Variants in GYS1 observed in about 807,000 individuals in gnomAD.
The protein encoded by GYS1 is glycogen synthase 1.
In GYS1, 60 loss-of-function variants were observed where a neutral mutation model predicts 89.1. The observed-to-expected ratio is 0.67, with a 90% CI of 0.55 to 0.84. The LOEUF (loss-of-function observed/expected upper bound fraction) is 0.84, where lower values mean the gene tolerates loss of function less well. GYS1 is among the 40% of genes least tolerant of loss of function. The pLI is 0.00. For synonymous variants in GYS1, 366 were observed against 401.7 expected (o/e 0.91, Z 1.06); for missense variants, 888 against 1,003.1 (o/e 0.89, Z 1.55).
At position 48,974,681 on chromosome 19, in the gene GYS1, T is replaced by A. The variant is rs1332971609; in HGVS notation, c.1361A>T (p.Asp454Val). 1 of 1,613,776 alleles carries A rather than the reference T, an allele frequency of 6.2e-7. No homozygotes were observed. ...TCGGCGGATGGTGGTCAGGATGGGG[T>A]CTGAGGAGTCATCCAGCATATTGTG... ...CTHNMLDDSSDPILTTIRRIG... is the reference protein window; with the variant it reads ...CTHNMLDDSSVPILTTIRRIG... Residue 454 changes from aspartate to valine, a missense_variant, in exon 11 of 16, where the codon GAC becomes GTC. By Grantham distance (152) the Asp-to-Val change is radical. Coordinates refer to ENST00000323798, the MANE Select transcript of GYS1 (RefSeq NM_002103.5).
At position 48,984,482 on chromosome 19, in the gene GYS1, G is replaced by A. The variant is rs957993600; in HGVS notation, c.823+979C>T. On this transcript the variant is annotated intron_variant, in intron 5 of 15. Coordinates refer to ENST00000323798, the MANE Select transcript of GYS1 (RefSeq NM_002103.5). Reference sequence around the variant, plus strand: ...GTGATCTCGGCCCACTGCAACCTCCGCCTCCTGGGTTCAAGTGATTCTCCT... The same window carrying A: ...GTGATCTCGGCCCACTGCAACCTCCACCTCCTGGGTTCAAGTGATTCTCCT... Among the ~76,000 whole-genome samples, 8 of 148,430 alleles carry A rather than the reference G, an allele frequency of 5.4e-5. No homozygotes were observed. In the South Asian group the frequency reaches 8.6e-4, roughly 16 times the overall value.
At chr19:48,990,407 CCTT>C (rs1183060666) in intron 2 of GYS1, among the ~76,000 whole-genome samples, 1 of 152,162 alleles carries the variant, frequency 6.6e-6, no homozygotes. Context: ...GCTTCTCTCT[CCTT>C]CTAGGACTGG....
chr19:48,970,813 C>G, intron 13 of GYS1, 104 bp from the exon 14 acceptor site: 5 of 1,396,356 alleles, frequency 3.6e-6, no homozygotes, highest in Non-Finnish European at 5.1e-6. Context: ...GGCCCGAGAG[C>G]CCCCCCATTT....
chr19:48,986,817 C>T (rs1216199270), intron 3 of GYS1, among the ~76,000 whole-genome samples: 1 of 152,092 alleles, frequency 6.6e-6, no homozygotes, highest in Non-Finnish European at 1.5e-5. Flanking sequence ...GCTTCTTGAG[C>T]CTCTTAAAAC....
Position 48,991,623 on chromosome 19 carries a change from G to T in GYS1, c.119-140C>A. 1 of 871,732 alleles carries T rather than the reference G, an allele frequency of 1.1e-6. No homozygotes were observed. The highest frequency in any genetic ancestry group is 1.8e-6 in the Non-Finnish European group (1 of 551,556). 54.0% of individuals were successfully genotyped at this position (871,732 alleles called of 1,614,324 possible). A position where few individuals can be genotyped will look rare whatever the true frequency, so the allele number is the denominator to read the frequency against. ...GGGAAGAGGGGACTGGGAGCCCATA[G>T]TTTGGAGTAGGGGTTGGAAGCTTGG... is the stretch of plus-strand genomic sequence containing the variant. On this transcript the variant is annotated intron_variant, in intron 1 of 15. Coordinates refer to ENST00000323798, the MANE Select transcript of GYS1 (RefSeq NM_002103.5). The surrounding 1 kb of genome is among the most constrained non-coding windows in gnomAD (Gnocchi z 4.7).
rs552500966 is a variant in GYS1, at chr19:48,985,343, C to T, written c.823+118G>A. On this transcript the variant is annotated intron_variant, in intron 5 of 15. Transcript: ENST00000323798. ...TGAGCCACCATGCCCAGCCGAAATA[C>T]GTTTTCGGTTTATGCTATTTCAACT... 1.3e-4 allele frequency: 135 copies of T among 1,042,098 alleles called. No individual in the cohort carries two copies. The African/African-American group carries it at 1.9e-3, about 14-fold the overall frequency. 64.6% of individuals were successfully genotyped at this position (1,042,098 alleles called of 1,614,324 possible). A position where few individuals can be genotyped will look rare whatever the true frequency, so the allele number is the denominator to read the frequency against.
chr19:48,983,562 T>C (rs1015574868), intron 5 of GYS1, among the ~76,000 whole-genome samples: 10 of 152,136 alleles, frequency 6.6e-5, no homozygotes, highest in African/African-American at 1.9e-4. Flanking sequence ...AATCATTTCT[T>C]CTCCTCATAG....
intron 3 of GYS1, among the ~76,000 whole-genome samples, chr19:48,986,509 CT>C (rs1194864356): frequency 2.4e-4 from 32 of 132,226 alleles, no homozygotes; most frequent in Admixed American, 5.3e-4. Flanking sequence ...TTTTCTTTTT[CT>C]TTTTTTTTTT....
chr19:48,987,823 C>T (rs963099708), intron 2 of GYS1, among the ~76,000 whole-genome samples: 79 of 149,728 alleles, frequency 5.3e-4, no homozygotes, highest in African/African-American at 1.9e-3. Flanking sequence ...TTTCTTGAGA[C>T]GGAGTCTGGC....
chr19:48,982,067 A>AT (rs949281088), intron 7 of GYS1, among the ~76,000 whole-genome samples, 188 bp downstream of exon 7: 1 of 151,574 alleles, frequency 6.6e-6, no homozygotes, highest in African/African-American at 2.4e-5. Context: ...TAATTTTTGT[A>AT]TTTTTTGTAG....
rs1429850194 is a variant in GYS1, at chr19:48,991,246, C to T, written c.300+56G>A. 1.3e-6 allele frequency: 2 copies of T among 1,577,794 alleles called. No individual in the cohort carries two copies. Among genetic ancestry groups the T allele is most frequent in the South Asian group, 1.1e-5 (1 of 90,430 alleles). Reference sequence around the variant, plus strand: ...CCTGCACCCTCTCCGTCTGTGGCTCCCACCCCGATGGCAGGCTGTCCACCC... The same window carrying T: ...CCTGCACCCTCTCCGTCTGTGGCTCTCACCCCGATGGCAGGCTGTCCACCC... On this transcript the variant is annotated intron_variant, in intron 2 of 15. Coordinates refer to ENST00000323798, the MANE Select transcript of GYS1 (RefSeq NM_002103.5). This position sits in a 1 kb window ranked among gnomAD's most constrained non-coding sequence, Gnocchi z 4.7.
Position 48,991,179 on chromosome 19 carries a change from C to G in GYS1, c.300+123G>C. On this transcript the variant is annotated intron_variant, in intron 2 of 15. Transcript: ENST00000323798. This position sits in a 1 kb window ranked among gnomAD's most constrained non-coding sequence, Gnocchi z 4.7. ...CTGGGTGTCCTATCACGCCTCCTTCCTGTGTCCAAGCCTGCCTCGCTCTCT... is the reference window on the plus strand; with the variant it reads ...CTGGGTGTCCTATCACGCCTCCTTCGTGTGTCCAAGCCTGCCTCGCTCTCT... 5.6e-6 allele frequency: 6 copies of G among 1,071,636 alleles called. No homozygotes were observed. The highest frequency in any genetic ancestry group is 8.5e-6 in the Non-Finnish European group (6 of 705,720). 66.4% of individuals were successfully genotyped at this position (1,071,636 alleles called of 1,614,324 possible).
intron 2 of GYS1, among the ~76,000 whole-genome samples, chr19:48,990,251 T>C (rs1008005063): frequency 1.3e-5 from 2 of 152,042 alleles, no homozygotes; most frequent in African/African-American, 4.8e-5. Context: ...GCCTGATGGC[T>C]TTCTCCTTGG....
chr19:48,982,823 T>C lies in GYS1; in HGVS notation c.838A>G (p.Asn280Asp). 1 of 1,605,140 alleles carries C rather than the reference T, an allele frequency of 6.2e-7. No homozygotes were observed. The highest frequency in any genetic ancestry group is 8.5e-7 in the Non-Finnish European group (1 of 1,171,808). ...GAAAACTTCTTCACATTCAGCCCATTGGGGGTCACAATATCTGGGATTGGG... is the reference window on the plus strand; with the variant it reads ...GAAAACTTCTTCACATTCAGCCCATCGGGGGTCACAATATCTGGGATTGGG... ...LKRKPDIVTP[N>D]GLNVKKFSAM... The change falls in exon 6 of 16, where the codon AAT becomes GAT. Residue 280 changes from asparagine to aspartate, a missense_variant. Physicochemically the swap from Asn to Asp is conservative, Grantham distance 23 (BLOSUM62 1). Coordinates refer to ENST00000323798, the MANE Select transcript of GYS1 (RefSeq NM_002103.5).
intron 7 of GYS1, 34 bp from the exon 8 acceptor site, chr19:48,981,670 C>T (rs2038766276): frequency 1.5e-6 from 2 of 1,348,188 alleles, no homozygotes; most frequent in Admixed American, 1.7e-5. Flanking sequence ...AGGCCAGGAT[C>T]ATGTGGGGGA....
Position 48,977,972 on chromosome 19 carries a change from C to T in GYS1, c.1260G>A (p.Leu420=), listed in dbSNP as rs776058209. Residue 420 remains leucine (L), a synonymous_variant, in exon 10 of 16, where the codon CTG becomes CTA. Transcript: ENST00000323798. ...VGSLPDMNKM[L]DKEDFTMMKR... is the part of the protein sequence containing the mutation. ...TCATCATAGTGAAGTCTTCCTTATCCAGCATCTTGTTCATGTCGGGAAGGC... is the reference window on the plus strand; with the variant it reads ...TCATCATAGTGAAGTCTTCCTTATCTAGCATCTTGTTCATGTCGGGAAGGC... The T allele has an allele frequency of 4.3e-6, 7 of 1,613,964 alleles. No individual in the cohort carries two copies. The highest frequency in any genetic ancestry group is 5.9e-6 in the Non-Finnish European group (7 of 1,179,938).
In GYS1 at chr19:48,974,070, C is replaced by T. The variant is rs562427410; in HGVS notation, c.1549+143G>A. On this transcript the variant is annotated intron_variant, in intron 12 of 15. Transcript: ENST00000323798. Reference sequence around the variant, plus strand: ...TGAGCTATTGTATCACAAAAGCACGCGCTGTAGCAGAACAGGTGATTACCA... The same window carrying T: ...TGAGCTATTGTATCACAAAAGCACGTGCTGTAGCAGAACAGGTGATTACCA... 1.8e-4 allele frequency: 154 copies of T among 870,988 alleles called. No individual in the cohort carries two copies. In the African/African-American group the frequency reaches 2.2e-3, roughly 12 times the overall value. 54.0% of individuals were successfully genotyped at this position (870,988 alleles called of 1,614,324 possible). A position where few individuals can be genotyped will look rare whatever the true frequency, so the allele number is the denominator to read the frequency against.
At chr19:48,973,811 C>G (rs2038602423) in intron 12 of GYS1, among the ~76,000 whole-genome samples, 1 of 152,152 alleles carries the variant, frequency 6.6e-6, no homozygotes, top group African/African-American at 2.4e-5. Context: ...GCCACCACGC[C>G]CAGCCTTATT....
At position 48,982,775 on chromosome 19, in the gene GYS1, G is replaced by C; in HGVS notation, c.886C>G (p.Leu296Val). 2 of 1,614,028 alleles carry C rather than the reference G, an allele frequency of 1.2e-6. No homozygotes were observed. The highest frequency in any genetic ancestry group is 1.7e-6 in the Non-Finnish European group (2 of 1,179,884). The change falls in exon 6 of 16, where the codon CTC becomes GTC. Residue 296 changes from leucine to valine, a missense_variant. Transcript: ENST00000323798. Reference protein sequence around the residue: ...KFSAMHEFQNLHAQSKARIQE... With the variant: ...KFSAMHEFQNVHAQSKARIQE... The stretch of plus-strand genomic sequence containing the variant: ...ATTCGAGCCTTGCTCTGAGCATGGA[G>C]GTTCTGGAACTCATGCATGGCAGAA...
Sources: gnomAD v4.1 joint callset for allele counts (sites outside exome capture counted in the v4.1 genomes callset) on GRCh38, gnomAD v4.1.1 for gene constraint, Gnocchi (gnomAD v3.1) non-coding constraint, MANE v1.5 for transcripts, NCBI Gene and HGNC (gene_info 2026-07-23, HGNC 2026-07-21) for gene names.